The following AGL variants were observed in gnomAD, a reference collection of about 807,000 sequenced individuals.
AGL encodes amylo-alpha-1,6-glucosidase and 4-alpha-glucanotransferase.
AGL carries 128 observed loss-of-function variants against 199.3 expected under a neutral mutation model. The observed-to-expected ratio is 0.64, with a 90% CI of 0.56 to 0.74. The LOEUF (loss-of-function observed/expected upper bound fraction) is 0.74. Among genes scored for constraint, AGL ranks in the 30% least tolerant of loss-of-function variants. The pLI is 0.00. For synonymous variants in AGL, 584 were observed against 594.7 expected, an observed-to-expected ratio of 0.98 and a Z score of 0.26; for missense variants, 1,809 against 1,820.8, an observed-to-expected ratio of 0.99 and a Z score of 0.12.
rs776259478 is a variant in AGL at position 99,861,439 on chromosome 1, T to C, written c.83-64T>C. On this transcript the variant is annotated intron_variant, in intron 2 of 33. Transcript: ENST00000361915. The stretch of plus-strand genomic sequence containing the variant: ...GTTTTTTAATACTTTAAATAAAACA[T>C]CTGTTTTTCAATGTGGTAATTTAAG... 4 of 1,607,226 alleles carry C rather than the reference T, an allele frequency of 2.5e-6. No homozygotes were observed. The African/African-American group carries it at 4.0e-5, about 16-fold the overall frequency.
chr1:99,878,743 A>G (rs1249546377), intron 12 of AGL, among the ~76,000 whole-genome samples: 1 of 152,122 alleles, frequency 6.6e-6, no homozygotes, highest in African/African-American at 2.4e-5. Context: ...TATAATATAT[A>G]TTTCAAGTCC....
intron 17 of AGL, 70 bp from the exon 18 acceptor site, chr1:99,884,050 C>T (rs1652250149): frequency 7.6e-7 from 1 of 1,310,634 alleles, no homozygotes; most frequent in Non-Finnish European, 1.1e-6. Context: ...TGATTTGAAA[C>T]CACTTTAGCC....
At chr1:99,908,031 A>T (rs555187674) in intron 27 of AGL, among the ~76,000 whole-genome samples, 1 of 152,070 alleles carries the variant, frequency 6.6e-6, no homozygotes, top group African/African-American at 2.4e-5. Context: ...ATTAAGTCCA[A>T]TTTATCTACT....
chr1:99,883,437 C>T (rs953885670), intron 17 of AGL, among the ~76,000 whole-genome samples: 1 of 151,912 alleles, frequency 6.6e-6, no homozygotes, highest in Non-Finnish European at 1.5e-5. Context: ...TAGAGACAAC[C>T]TTAATAGAAC....
intron 5 of AGL, among the ~76,000 whole-genome samples, chr1:99,867,011 G>A (rs1336480758): frequency 2.0e-5 from 3 of 152,018 alleles, no homozygotes; most frequent in Admixed American, 6.6e-5. Context: ...TAGAGATGGG[G>A]TTTCTTCATG....
chr1:99,869,519 C>G (rs1480296511), intron 5 of AGL, among the ~76,000 whole-genome samples: 51 of 152,146 alleles, frequency 3.4e-4, no homozygotes, highest in Non-Finnish European at 1.5e-5. Flanking sequence ...CAAGTTAATT[C>G]CTGACTGTAT....
chr1:99,873,007 C>T (rs1651154497), intron 7 of AGL, among the ~76,000 whole-genome samples: 1 of 152,108 alleles, frequency 6.6e-6, no homozygotes, highest in East Asian at 1.9e-4. Flanking sequence ...CTAGTATGCT[C>T]TTGATCTTTT....
At chr1:99,883,737 T>C (rs1652231136) in intron 17 of AGL, among the ~76,000 whole-genome samples, 1 of 152,152 alleles carries the variant, frequency 6.6e-6, no homozygotes, top group Non-Finnish European at 1.5e-5. Flanking sequence ...AGAGGCTTTA[T>C]TGTATTTGTA....
In AGL at chr1:99,874,909, A is replaced by G. The variant is rs1651378686; in HGVS notation, c.1082+99A>G. 73 of 1,406,122 alleles carry G rather than the reference A, an allele frequency of 5.2e-5. 1 individual carries two copies. The South Asian group carries it at 8.2e-4, about 16-fold the overall frequency. The allele number at this position is 1,406,122 out of a possible 1,614,324, so 87.1% of individuals were successfully genotyped here. A position where few individuals can be genotyped will look rare whatever the true frequency, so the allele number is the denominator to read the frequency against. ...TACTTATTAAAAACGCTTAATAGAA[A>G]ATGAAATAAAGTAATTCACTGTAAT... is the stretch of plus-strand genomic sequence containing the variant. On this transcript the variant is annotated intron_variant, in intron 8 of 33. Transcript: ENST00000361915.
intron 13 of AGL, 42 bp from the exon 14 acceptor site, chr1:99,880,590 T>C (rs1305422723): frequency 3.8e-6 from 6 of 1,598,792 alleles, no homozygotes; most frequent in African/African-American, 2.7e-5. Context: ...TTCCTGGACA[T>C]AAATAATGAA....
chr1:99,875,737 A>C (rs1287703585), intron 10 of AGL, among the ~76,000 whole-genome samples: 4 of 152,222 alleles, frequency 2.6e-5, no homozygotes, highest in African/African-American at 9.6e-5. Context: ...CAAATTAAGC[A>C]AGCATCTGGC....
Position 99,861,492 on chromosome 1 carries a change from T to C in AGL, c.83-11T>C. 1 of 1,613,762 alleles carries C rather than the reference T, an allele frequency of 6.2e-7. No homozygotes were observed. Among genetic ancestry groups the C allele is most frequent in the South Asian group, 1.1e-5 (1 of 91,052 alleles). Reference sequence around the variant, plus strand: ...CTACGATGAGTTTATTAACATGTGCTTTTTATTTAGGGTATGAGCTACAGT... The same window carrying C: ...CTACGATGAGTTTATTAACATGTGCCTTTTATTTAGGGTATGAGCTACAGT... On this transcript the variant is annotated splice_polypyrimidine_tract_variant and intron_variant, in intron 2 of 33. Coordinates refer to ENST00000361915, the MANE Select transcript of AGL (RefSeq NM_000642.3).
intron 26 of AGL, 147 bp downstream of exon 26, chr1:99,901,008 C>T: frequency 1.3e-6 from 1 of 761,628 alleles, no homozygotes. Context: ...CCTGCTGGTA[C>T]TATAAGTGAT....
chr1:99,853,139 C>G (rs972297088), intron 2 of AGL, among the ~76,000 whole-genome samples: 7 of 152,154 alleles, frequency 4.6e-5, no homozygotes, highest in African/African-American at 1.7e-4. Flanking sequence ...CCAGAATAAT[C>G]TTATGCAGTC....
At chr1:99,899,633 T>C (rs934231755) in intron 25 of AGL, among the ~76,000 whole-genome samples, 3 of 151,126 alleles carry the variant, frequency 2.0e-5, no homozygotes, top group African/African-American at 7.3e-5. Flanking sequence ...TTTCTTTCTT[T>C]TTTTTGAGAC....
At chr1:99,894,805 G>T (rs1256043372) in intron 24 of AGL, among the ~76,000 whole-genome samples, 1 of 151,888 alleles carries the variant, frequency 6.6e-6, no homozygotes, top group Non-Finnish European at 1.5e-5. Context: ...AATATTTATA[G>T]GTATATATTA....
chr1:99,900,172 C>A (rs1016968448), intron 25 of AGL, among the ~76,000 whole-genome samples: 1 of 151,638 alleles, frequency 6.6e-6, no homozygotes, highest in South Asian at 2.1e-4. Context: ...TCAGGTGTTC[C>A]GCCCGCCTCG....
intron 7 of AGL, among the ~76,000 whole-genome samples, 180 bp downstream of exon 7, chr1:99,871,049 C>T (rs770507839): frequency 6.6e-6 from 1 of 152,086 alleles, no homozygotes; most frequent in South Asian, 2.1e-4. Context: ...CTAAAGGGCA[C>T]GTCATAATAA....
At position 99,912,471 on chromosome 1, in the gene AGL, CA is replaced by C. The variant is rs745757264; in HGVS notation, c.3911del (p.Asn1304IlefsTer10). The C allele has an allele frequency of 1.2e-5, 19 of 1,611,422 alleles. No homozygotes were observed. The highest frequency in any genetic ancestry group is 2.2e-5 in the East Asian group (1 of 44,824). On this transcript the variant is annotated frameshift_variant, in exon 29 of 34. Coordinates refer to ENST00000361915, the MANE Select transcript of AGL (RefSeq NM_000642.3). LOFTEE classifies it high-confidence loss of function. Reference protein sequence around the residue: ...SAVRWLLELSKKNIFPYHEVT... With the variant: ...SAVRWLLELSXKNIFPYHEVT... ...CTGTTCGCTGGTTGCTGGAATTATCCAAAAAAAATATTTTCCCTTATCATGA... is the reference window on the plus strand; with the variant it reads ...CTGTTCGCTGGTTGCTGGAATTATCCAAAAAAATATTTTCCCTTATCATGA...
Sources: gnomAD v4.1 joint callset for allele counts (sites outside exome capture counted in the v4.1 genomes callset) on GRCh38, gnomAD v4.1.1 for gene constraint, MANE v1.5 for transcripts, NCBI Gene and HGNC (gene_info 2026-07-23, HGNC 2026-07-21) for gene names.